The following TRABD2B variants were observed in gnomAD, a reference collection of about 807,000 sequenced individuals.
TRABD2B encodes metalloprotease TIKI2.
In TRABD2B, 14 loss-of-function variants were observed where a neutral mutation model predicts 40.1. The ratio of observed to expected loss-of-function variants is 0.35; its 90% CI spans 0.23 to 0.55. TRABD2B has a LOEUF of 0.55. Among genes scored for constraint, TRABD2B ranks in the 20% least tolerant of loss-of-function variants. The probability of loss-of-function intolerance (pLI) is 0.90; values close to 1 mark genes in which losing one functional copy is unlikely to be tolerated. For synonymous variants in TRABD2B, 263 were observed against 277.0 expected, an observed-to-expected ratio of 0.95 and a Z score of 0.50; for missense variants, 541 against 648.6, an observed-to-expected ratio of 0.83 and a Z score of 1.80.
At chr1:47,977,655 T>C (rs936972460) in intron 2 of TRABD2B, among the ~76,000 whole-genome samples, 6 of 149,904 alleles carry the variant, frequency 4.0e-5, no homozygotes, top group African/African-American at 1.5e-4. Context: ...TGGGACTCTT[T>C]CTTGAGCACA....
chr1:47,856,196 C>T (rs372816455), intron 2 of TRABD2B, among the ~76,000 whole-genome samples: 15 of 152,214 alleles, frequency 9.9e-5, no homozygotes, highest in Non-Finnish European at 1.8e-4. Flanking sequence ...GCGGGGTCTG[C>T]GGGCAGGACC....
intron 2 of TRABD2B, among the ~76,000 whole-genome samples, chr1:47,906,893 T>C (rs1433720013): frequency 2.0e-5 from 3 of 152,344 alleles, no homozygotes; most frequent in Middle Eastern, 3.4e-3. Flanking sequence ...ACCAATCCCT[T>C]GTGCTGTCGG....
chr1:47,960,999 G>A (rs571029325), intron 2 of TRABD2B, among the ~76,000 whole-genome samples: 2 of 152,222 alleles, frequency 1.3e-5, no homozygotes, highest in African/African-American at 4.8e-5. Context: ...GCATGGTACT[G>A]GTACCAAAAC....
At chr1:47,829,279 C>T (rs1283027214) in intron 2 of TRABD2B, among the ~76,000 whole-genome samples, 1 of 152,114 alleles carries the variant, frequency 6.6e-6, no homozygotes, top group Admixed American at 6.5e-5. Flanking sequence ...GAGCAGTCTC[C>T]AGCCAGTTCC....
intron 2 of TRABD2B, among the ~76,000 whole-genome samples, chr1:47,948,370 G>A (rs1375608720): frequency 2.6e-5 from 4 of 152,144 alleles, no homozygotes; most frequent in Admixed American, 6.5e-5. Flanking sequence ...CAATCAGGCC[G>A]GAACTGTCAC....
At chr1:47,992,420 T>C (rs1320115388) in intron 2 of TRABD2B, among the ~76,000 whole-genome samples, 2 of 152,212 alleles carry the variant, frequency 1.3e-5, no homozygotes, top group African/African-American at 4.8e-5. Context: ...GAGAGACGGA[T>C]TAAAGACAGG....
At chr1:47,890,683 A>G (rs1644432651) in intron 2 of TRABD2B, among the ~76,000 whole-genome samples, 1 of 152,210 alleles carries the variant, frequency 6.6e-6, no homozygotes, top group South Asian at 2.1e-4. Flanking sequence ...GGTCACCCCT[A>G]GGAGCCTTTG....
At chr1:47,784,759 G>A (rs1467088941) in intron 4 of TRABD2B, among the ~76,000 whole-genome samples, 1 of 152,228 alleles carries the variant, frequency 6.6e-6, no homozygotes, top group South Asian at 2.1e-4. Flanking sequence ...CACTGGCAGA[G>A]CCGAGCTTCC....
chr1:47,967,822 G>A (rs1645625153), intron 2 of TRABD2B, among the ~76,000 whole-genome samples: 1 of 152,232 alleles, frequency 6.6e-6, no homozygotes, highest in Admixed American at 6.5e-5. Flanking sequence ...AGAGTTGGCT[G>A]CTGTACACAA....
chr1:47,995,910 C>T (rs1178565390), intron 1 of TRABD2B, among the ~76,000 whole-genome samples: 1 of 152,208 alleles, frequency 6.6e-6, no homozygotes, highest in Non-Finnish European at 1.5e-5. Context: ...AGCACACCTA[C>T]AGCAGCCAGA....
Position 47,775,228 on chromosome 1 carries a change from G to T in TRABD2B, c.1291C>A (p.Gln431Lys), listed in dbSNP as rs1644428737. Residue 431 changes from glutamine to lysine, a missense_variant, in exon 6 of 7, where the codon CAG becomes AAG. By Grantham distance (53) the Gln-to-Lys change is moderately conservative (BLOSUM62 1). This residue lies in a region of TRABD2B where 172 missense variants were observed against 155.8 expected (regional missense o/e 1.10). Coordinates refer to ENST00000606738, the MANE Select transcript of TRABD2B (RefSeq NM_001194986.2). Reference sequence around the variant, plus strand: ...TGCCGCGGCCGCTGGTGTGTGCTCTGCCTCTTGTGCCACTTCCTCTGCCGG... The same window carrying T: ...TGCCGCGGCCGCTGGTGTGTGCTCTTCCTCTTGTGCCACTTCCTCTGCCGG... ...FGRQRKWHKR[Q>K]STHQRPRQFN... 3 of 1,249,494 alleles carry T rather than the reference G, an allele frequency of 2.4e-6. No individual in the cohort carries two copies. Among genetic ancestry groups the T allele is most frequent in the Non-Finnish European group, 3.0e-6 (3 of 995,666 alleles). 77.4% of individuals were successfully genotyped at this position (1,249,494 alleles called of 1,614,324 possible). A position where few individuals can be genotyped will look rare whatever the true frequency, so the allele number is the denominator to read the frequency against.
At chr1:47,775,045 AC>A (rs762874120) in intron 6 of TRABD2B, 124 bp downstream of exon 6, 1 of 961,228 alleles carries the variant, frequency 1.0e-6, no homozygotes. Context: ...GTAGAAAGCC[AC>A]CTGCCACACT....
At chr1:47,974,452 A>G (rs1399371187) in intron 2 of TRABD2B, among the ~76,000 whole-genome samples, 2 of 152,070 alleles carry the variant, frequency 1.3e-5, no homozygotes, top group Non-Finnish European at 2.9e-5. Flanking sequence ...GTCCCCATCC[A>G]AACCCCACCC....
intron 2 of TRABD2B, among the ~76,000 whole-genome samples, chr1:47,963,803 TAAC>T (rs1332076759): frequency 3.3e-5 from 5 of 152,208 alleles, no homozygotes; most frequent in South Asian, 2.1e-4. Context: ...TGCGTCCCAA[TAAC>T]AACAAGACAG....
chr1:47,782,075 A>G (rs1043097431), intron 4 of TRABD2B, among the ~76,000 whole-genome samples: 2 of 152,166 alleles, frequency 1.3e-5, no homozygotes, highest in African/African-American at 2.4e-5. Flanking sequence ...TAACTACACA[A>G]TGCTGACCAC....
intron 2 of TRABD2B, among the ~76,000 whole-genome samples, chr1:47,908,400 AATTG>A (rs1644706804): frequency 6.6e-6 from 1 of 152,208 alleles, no homozygotes. Flanking sequence ...GCAATCAGAT[AATTG>A]ATTGGGAGAA....
chr1:47,800,604 A>G lies in TRABD2B; in HGVS notation c.813+869T>C, dbSNP rs1018171420. Among the ~76,000 whole-genome samples, 8 of 152,230 alleles carry G rather than the reference A, an allele frequency of 5.3e-5. No homozygotes were observed. The East Asian group carries it at 1.3e-3, about 26-fold the overall frequency. On this transcript the variant is annotated intron_variant, in intron 3 of 6. Coordinates refer to ENST00000606738, the MANE Select transcript of TRABD2B (RefSeq NM_001194986.2). ...AATGGGAAGTCCACGCAATGTCCTG[A>G]GCAGGGAAGTGGTGTGTTCTGCCTA...
chr1:47,884,571 T>C (rs1026359949), intron 2 of TRABD2B, among the ~76,000 whole-genome samples: 11 of 152,134 alleles, frequency 7.2e-5, no homozygotes, highest in African/African-American at 2.7e-4. Context: ...GTCTCAACAG[T>C]CCATTCTCCA....
intron 2 of TRABD2B, among the ~76,000 whole-genome samples, chr1:47,916,944 C>T (rs1465089554): frequency 1.3e-5 from 2 of 152,252 alleles, no homozygotes; most frequent in African/African-American, 4.8e-5. Flanking sequence ...CACAGTTTAA[C>T]GTTTGCACTT....
Sources: gnomAD v4.1 joint callset for allele counts (sites outside exome capture counted in the v4.1 genomes callset) on GRCh38, gnomAD v4.1.1 for gene constraint, gnomAD v4.1.1 regional missense constraint, MANE v1.5 for transcripts, NCBI Gene and HGNC (gene_info 2026-07-23, HGNC 2026-07-21) for gene names.